The following ANO4 variants were observed in gnomAD, a reference collection of about 807,000 sequenced individuals.
ANO4 encodes anoctamin-4.
Under a neutral mutation model 141.9 loss-of-function variants are expected in ANO4, and 69 were observed. The ratio of observed to expected loss-of-function variants is 0.49; its 90% CI spans 0.40 to 0.59. ANO4 has a LOEUF of 0.59. ANO4 is among the 20% of genes least tolerant of loss of function. The pLI is 0.00. For synonymous variants in ANO4, 350 were observed against 394.3 expected (o/e 0.89, Z 1.33); for missense variants, 894 against 1,162.2 (o/e 0.77, Z 3.36).
At chr12:101,098,700 CA>C (rs2050077142) in intron 21 of ANO4, among the ~76,000 whole-genome samples, 1 of 152,056 alleles carries the variant, frequency 6.6e-6, no homozygotes, top group African/African-American at 2.4e-5. Context: ...AAACATTAAA[CA>C]AAAATTATCA....
At chr12:100,971,706 C>G (rs991474545) in intron 6 of ANO4, among the ~76,000 whole-genome samples, 2 of 152,154 alleles carry the variant, frequency 1.3e-5, no homozygotes, top group Admixed American at 1.3e-4. Flanking sequence ...GTCCTGTGTA[C>G]TGCTGCTTTG....
chr12:100,966,814 C>T (rs889604326), intron 5 of ANO4, among the ~76,000 whole-genome samples: 4 of 142,352 alleles, frequency 2.8e-5, no homozygotes, highest in Non-Finnish European at 4.5e-5. Context: ...TACACACACA[C>T]ACATATATAT....
intron 3 of ANO4, among the ~76,000 whole-genome samples, chr12:100,781,510 C>T (rs2033710248): frequency 6.6e-6 from 1 of 152,138 alleles, no homozygotes; most frequent in South Asian, 2.1e-4. Flanking sequence ...TCTGGTTATA[C>T]CTTGTCTAGT....
At chr12:101,015,878 G>A (rs989108728) in intron 8 of ANO4, among the ~76,000 whole-genome samples, 1 of 152,168 alleles carries the variant, frequency 6.6e-6, no homozygotes, top group East Asian at 1.9e-4. Flanking sequence ...ATGAGAGAGA[G>A]AGAGAGACTT....
At chr12:100,811,025 C>T (rs2035396713) in intron 1 of ANO4, among the ~76,000 whole-genome samples, 2 of 152,024 alleles carry the variant, frequency 1.3e-5, no homozygotes, top group South Asian at 4.2e-4. Context: ...TTATAGAAGC[C>T]ACATCTAAAT....
chr12:100,727,683 A>G (rs184662202), intron 1 of ANO4, among the ~76,000 whole-genome samples: 2 of 152,220 alleles, frequency 1.3e-5, no homozygotes, highest in Non-Finnish European at 2.9e-5. Context: ...TTACTACTAT[A>G]TTTGAACTTA....
At chr12:100,762,735 CAAG>C (rs1476913044) in intron 3 of ANO4, among the ~76,000 whole-genome samples, 1 of 152,098 alleles carries the variant, frequency 6.6e-6, no homozygotes, top group Admixed American at 6.5e-5. Flanking sequence ...CTTAGAAAAA[CAAG>C]AAGTTCTAAT....
intron 1 of ANO4, among the ~76,000 whole-genome samples, chr12:100,731,274 ATGACTC>A (rs1291823217): frequency 1.3e-5 from 2 of 152,222 alleles, no homozygotes; most frequent in Non-Finnish European, 1.5e-5. Context: ...ACTATTTAAT[ATGACTC>A]TTGTAACCTG....
chr12:100,730,992 A>T (rs987930967), intron 1 of ANO4, among the ~76,000 whole-genome samples: 1 of 152,142 alleles, frequency 6.6e-6, no homozygotes, highest in Non-Finnish European at 1.5e-5. Context: ...CCCCTTAAAG[A>T]TGACTCCTAT....
chr12:101,100,540 C>T (rs999829533), intron 22 of ANO4, among the ~76,000 whole-genome samples: 1 of 152,086 alleles, frequency 6.6e-6, no homozygotes, highest in Admixed American at 6.6e-5. Flanking sequence ...AAAAATAAAA[C>T]TTAATAAAGA....
intron 1 of ANO4, among the ~76,000 whole-genome samples, chr12:100,807,613 A>T (rs2035139708): frequency 6.6e-6 from 1 of 152,136 alleles, no homozygotes; most frequent in Non-Finnish European, 1.5e-5. Context: ...GGTTTGTTGC[A>T]TAGGTAAACG....
chr12:100,770,805 T>G (rs2033267228), intron 3 of ANO4, among the ~76,000 whole-genome samples: 1 of 144,600 alleles, frequency 6.9e-6, no homozygotes, highest in Non-Finnish European at 1.5e-5. Context: ...TTTTTTTGCA[T>G]TACTTATCTG....
intron 3 of ANO4, among the ~76,000 whole-genome samples, chr12:100,775,020 T>G (rs1365150442): frequency 5.3e-5 from 8 of 152,248 alleles, no homozygotes; most frequent in African/African-American, 1.9e-4. Context: ...TGTACTTCTT[T>G]GAGGCAAAGA....
intron 1 of ANO4, among the ~76,000 whole-genome samples, chr12:100,723,808 G>T (rs2030974799): frequency 6.6e-6 from 1 of 152,040 alleles, no homozygotes; most frequent in South Asian, 2.1e-4. Flanking sequence ...TATCACACTG[G>T]GGGTTAGTGA....
chr12:100,753,115 G>GGCCA, intron 3 of ANO4, among the ~76,000 whole-genome samples: 1 of 152,240 alleles, frequency 6.6e-6, no homozygotes, highest in East Asian at 1.9e-4. Context: ...CCAGAGAAGG[G>GGCCA]GCCAGTCCAA....
At chr12:100,910,861 C>G (rs1442234792) in intron 2 of ANO4, among the ~76,000 whole-genome samples, 2 of 151,874 alleles carry the variant, frequency 1.3e-5, no homozygotes, top group African/African-American at 4.8e-5. Flanking sequence ...TGTGTTATTC[C>G]CAAGTAATTT....
intron 3 of ANO4, among the ~76,000 whole-genome samples, chr12:100,756,245 T>A (rs1384094997): frequency 1.3e-5 from 2 of 152,248 alleles, no homozygotes; most frequent in African/African-American, 4.8e-5. Context: ...CAATATTGTG[T>A]GTCCTGAAAT....
At chr12:100,808,336 C>T (rs34034695) in intron 1 of ANO4, among the ~76,000 whole-genome samples, 58,072 of 151,884 alleles carry the variant, frequency 0.38, 11,740 homozygotes, top group Middle Eastern at 0.53. Flanking sequence ...TTCATATTAT[C>T]GTTGCCACAT....
intron 25 of ANO4, 75 bp downstream of exon 25, chr12:101,116,873 C>G: frequency 6.3e-7 from 1 of 1,592,474 alleles, no homozygotes; most frequent in Non-Finnish European, 8.6e-7. Context: ...TCTGAAGGCC[C>G]CTTCTGGCTG....
Sources: allele counts gnomAD v4.1 joint callset (sites outside exome capture counted in the v4.1 genomes callset), GRCh38; gene constraint gnomAD v4.1.1; transcripts MANE v1.5; gene names NCBI Gene and HGNC (gene_info 2026-07-23, HGNC 2026-07-21).